Variants in ZNF546 observed in about 807,000 individuals in gnomAD.
ZNF546 encodes zinc finger protein 546.
A neutral mutation model predicts 76.2 loss-of-function variants in ZNF546; 60 were observed. That is an observed-to-expected ratio of 0.79 (90% CI 0.64 to 0.98). ZNF546 has a LOEUF of 0.98. ZNF546 is among the 50% of genes least tolerant of loss of function. The probability of loss-of-function intolerance (pLI) is 0.00; values close to 1 mark genes in which losing one functional copy is unlikely to be tolerated. For missense variants in ZNF546, 936 were observed against 1,035.6 expected, an observed-to-expected ratio of 0.90 and a Z score of 1.32; for synonymous variants, 277 against 328.1, an observed-to-expected ratio of 0.84 and a Z score of 1.68.
At chr19:40,000,848 C>T (rs1971520548) in intron 3 of ZNF546, among the ~76,000 whole-genome samples, 1 of 152,014 alleles carries the variant, frequency 6.6e-6, no homozygotes, top group Non-Finnish European at 1.5e-5. Context: ...CAGGATGATT[C>T]AAGCACATTA....
At chr19:40,000,516 G>A (rs1189313597) in intron 3 of ZNF546, among the ~76,000 whole-genome samples, 1 of 151,424 alleles carries the variant, frequency 6.6e-6, no homozygotes, top group Non-Finnish European at 1.5e-5. Context: ...CCAGCTGCTT[G>A]GGAGGCTGAG....
intron 3 of ZNF546, among the ~76,000 whole-genome samples, chr19:40,001,941 C>G (rs1299244523): frequency 6.6e-6 from 1 of 152,160 alleles, no homozygotes; most frequent in Non-Finnish European, 1.5e-5. Flanking sequence ...TTATCTCAAT[C>G]TTCGTGACAA....
At chr19:40,001,107 C>T (rs1399850090) in intron 3 of ZNF546, among the ~76,000 whole-genome samples, 1 of 152,046 alleles carries the variant, frequency 6.6e-6, no homozygotes, top group Non-Finnish European at 1.5e-5. Flanking sequence ...AAATCTAATG[C>T]TGCAGCTGAT....
chr19:40,006,904 A>T (rs1971609625), intron 4 of ZNF546, among the ~76,000 whole-genome samples: 1 of 152,212 alleles, frequency 6.6e-6, no homozygotes, highest in South Asian at 2.1e-4. Context: ...TAACGAAATC[A>T]CGTAATGTCA....
chr19:40,003,175 A>G (rs1344048637), intron 3 of ZNF546, among the ~76,000 whole-genome samples: 1 of 151,552 alleles, frequency 6.6e-6, no homozygotes, highest in African/African-American at 2.4e-5. Context: ...AGCTGGGACT[A>G]CAGGCGCCTG....
rs148222373 is a variant in ZNF546 at position 40,010,769 on chromosome 19, G to A, written c.394+2204G>A. On this transcript the variant is annotated intron_variant, in intron 6 of 6. Coordinates refer to ENST00000347077, the MANE Select transcript of ZNF546 (RefSeq NM_178544.5). ...GCGACCTCGGCTCACTGCAACCTCC[G>A]CCTCCTGGGTACAAGCAATTCTCCT... Among the ~76,000 whole-genome samples, 37 of 151,682 alleles carry A rather than the reference G, an allele frequency of 2.4e-4. No homozygotes were observed. In the East Asian group the frequency reaches 6.1e-3, roughly 25 times the overall value.
chr19:40,008,474 T>C lies in ZNF546; in HGVS notation c.303T>C (p.Tyr101=), dbSNP rs1162849479. ...ENYSNLVSLG[Y]TIPKPDVITL... is the part of the protein sequence containing the mutation. Reference sequence around the variant, plus strand: ...CATTTCTTTTCTCATGAGCAGGATATACCATTCCTAAGCCAGATGTGATTA... The same window carrying C: ...CATTTCTTTTCTCATGAGCAGGATACACCATTCCTAAGCCAGATGTGATTA... Residue 101 remains tyrosine, a synonymous_variant, in exon 6 of 7, where the codon TAT becomes TAC. Transcript: ENST00000347077. 1 of 1,608,444 alleles carries C rather than the reference T, an allele frequency of 6.2e-7. No homozygotes were observed. The highest frequency in any genetic ancestry group is 1.3e-5 in the African/African-American group (1 of 74,888).
rs1971735162 is a variant in ZNF546, at chr19:40,014,910, A to G, written c.1640A>G (p.His547Arg). The change falls in exon 7 of 7, where the codon CAT becomes CGT. Residue 547 changes from histidine to arginine, a missense_variant. His to Arg is a conservative substitution (Grantham distance 29). Transcript: ENST00000347077. ...GAACTTACCCGACATCACAGAATTC[A>G]TACATGTGAGAAACCCTATGAATGT... ...QGELTRHHRI[H>R]TCEKPYECKE... 25 of 1,614,070 alleles carry G rather than the reference A, an allele frequency of 1.5e-5. No individual in the cohort carries two copies. Among genetic ancestry groups the G allele is most frequent in the South Asian group, 2.2e-5 (2 of 91,072 alleles).
Position 40,014,052 on chromosome 19 carries a change from G to A in ZNF546, c.782G>A (p.Arg261Lys). 6.2e-7 allele frequency: 1 copy of A among 1,612,652 alleles called. No homozygotes were observed. Among genetic ancestry groups the A allele is most frequent in the Non-Finnish European group, 8.5e-7 (1 of 1,178,942 alleles). ...GCCTTTTGTCGAGTGGGAGACCTTA[G>A]AGTACATCACACAATCCATGCTGGG... Reference protein sequence around the residue: ...GKAFCRVGDLRVHHTIHAGER... With the variant: ...GKAFCRVGDLKVHHTIHAGER... Residue 261 changes from arginine (R) to lysine (K), a missense_variant, in exon 7 of 7, where the codon AGA (arginine) becomes AAA (lysine). By Grantham distance (26) the Arg-to-Lys change is conservative. Transcript: ENST00000347077.
Position 40,020,615 on chromosome 19 carries a change from A to G in ZNF546, c.*4834A>G, listed in dbSNP as rs903740018. On this transcript the variant is annotated 3_prime_UTR_variant, in exon 7 of 7. Coordinates refer to ENST00000347077, the MANE Select transcript of ZNF546 (RefSeq NM_178544.5). ...TCCCTTTTTTAAAAAAGTGCTTATT[A>G]TCAGGCTATCAATCAAAAGATTTGA... is the stretch of plus-strand genomic sequence containing the variant. The G allele has an allele frequency of 6.6e-6, 1 of 152,180 alleles. No individual in the cohort carries two copies. The highest frequency in any genetic ancestry group is 2.4e-5 in the African/African-American group (1 of 41,462). 9.4% of individuals were successfully genotyped at this position (152,180 alleles called of 1,614,324 possible).
At position 40,015,674 on chromosome 19, in the gene ZNF546, G is replaced by A. The variant is rs781630360; in HGVS notation, c.2404G>A (p.Glu802Lys). ...LTRHHRIHTG[E>K]KPYQCKECGK... is the part of the protein sequence containing the mutation. ...TCGACATCACAGAATTCATACTGGT[G>A]AAAAACCCTATCAATGTAAAGAATG... Residue 802 changes from glutamate (E) to lysine (K), a missense_variant, in exon 7 of 7, where the codon GAA becomes AAA. Coordinates refer to ENST00000347077, the MANE Select transcript of ZNF546 (RefSeq NM_178544.5). 219 of 1,614,066 alleles carry A rather than the reference G, an allele frequency of 1.4e-4. 2 individuals are homozygous for A. The highest frequency in any genetic ancestry group is 6.8e-6 in the Non-Finnish European group (8 of 1,180,034).
rs1391596156 is a variant in ZNF546, at chr19:40,015,360, A to G, written c.2090A>G (p.Glu697Gly). Residue 697 changes from glutamate (E) to glycine (G), a missense_variant, in exon 7 of 7, where the codon GAA becomes GGA. Physicochemically the swap from Glu to Gly is moderately conservative, Grantham distance 98 (BLOSUM62 -2). Transcript: ENST00000347077. ...HTGEKPYICN[E>G]CGNAFICSYR... is the part of the protein sequence containing the mutation. Reference sequence around the variant, plus strand: ...GGTGAGAAGCCCTACATATGTAATGAATGTGGGAATGCTTTTATTTGCAGT... The same window carrying G: ...GGTGAGAAGCCCTACATATGTAATGGATGTGGGAATGCTTTTATTTGCAGT... 1 of 1,614,106 alleles carries G rather than the reference A, an allele frequency of 6.2e-7. No individual in the cohort carries two copies. The highest frequency in any genetic ancestry group is 1.3e-5 in the African/African-American group (1 of 74,942).
At chr19:40,009,057 A>T (rs1235097474) in intron 6 of ZNF546, among the ~76,000 whole-genome samples, 4 of 152,172 alleles carry the variant, frequency 2.6e-5, no homozygotes, top group Non-Finnish European at 4.4e-5. Context: ...AAGTTTTCAT[A>T]TGTGTTGTGA....
chr19:40,001,069 G>T (rs1265977459), intron 3 of ZNF546, among the ~76,000 whole-genome samples: 1 of 152,026 alleles, frequency 6.6e-6, no homozygotes, highest in Non-Finnish European at 1.5e-5. Context: ...CACATGGTCA[G>T]TTCATAATAG....
chr19:40,006,845 T>C (rs1005612651), intron 4 of ZNF546, among the ~76,000 whole-genome samples: 5 of 152,234 alleles, frequency 3.3e-5, no homozygotes, highest in African/African-American at 1.2e-4. Flanking sequence ...ATATACTAAC[T>C]GAAGACTTTT....
rs746074776 is a variant in ZNF546 at position 40,008,450 on chromosome 19, A to G, written c.299-20A>G. On this transcript the variant is annotated intron_variant, in intron 5 of 6. Transcript: ENST00000347077. The stretch of plus-strand genomic sequence containing the variant: ...TTTGTTTTTTTCTATAACATGTGTC[A>G]TTTCTTTTCTCATGAGCAGGATATA... 2.6e-6 allele frequency: 4 copies of G among 1,535,480 alleles called. No individual in the cohort carries two copies. The highest frequency in any genetic ancestry group is 3.5e-6 in the Non-Finnish European group (4 of 1,129,144).
chr19:40,012,970 C>T (rs915068822), intron 6 of ZNF546, among the ~76,000 whole-genome samples: 68 of 152,132 alleles, frequency 4.5e-4, no homozygotes, highest in African/African-American at 1.6e-3. Context: ...CCCGCCACCA[C>T]GCCTGGCTAA....
chr19:39,998,867 G>A (rs1486254050), intron 3 of ZNF546, among the ~76,000 whole-genome samples: 2 of 152,258 alleles, frequency 1.3e-5, no homozygotes, highest in East Asian at 1.9e-4. Flanking sequence ...CTGCCTCCTG[G>A]GTTCAAGTGA....
intron 3 of ZNF546, among the ~76,000 whole-genome samples, chr19:40,000,882 A>C (rs1197387022): frequency 1.3e-5 from 2 of 152,042 alleles, no homozygotes; most frequent in Non-Finnish European, 2.9e-5. Context: ...TTTTATTCCC[A>C]TTATTATTAC....
Sources: allele counts gnomAD v4.1 joint callset (sites outside exome capture counted in the v4.1 genomes callset), GRCh38; gene constraint gnomAD v4.1.1; transcripts MANE v1.5; gene names NCBI Gene and HGNC (gene_info 2026-07-23, HGNC 2026-07-21).